Variants in ATG2B observed in about 807,000 individuals in gnomAD.
ATG2B encodes autophagy related 2B.
Under a neutral mutation model 241.3 loss-of-function variants are expected in ATG2B, and 121 were observed. The ratio of observed to expected loss-of-function variants is 0.50; its 90% CI spans 0.43 to 0.58. The LOEUF (loss-of-function observed/expected upper bound fraction) is 0.58. Among genes scored for constraint, ATG2B ranks in the 20% least tolerant of loss-of-function variants. ATG2B has a pLI of 0.00. For synonymous variants in ATG2B, 858 were observed against 876.6 expected (o/e 0.98, Z 0.37); for missense variants, 2,306 against 2,491.6 (o/e 0.93, Z 1.59).
At position 96,285,085 on chromosome 14, in the gene ATG2B, C is replaced by T. The variant is rs1473014258; in HGVS notation, c.*670G>A. 1 of 152,190 alleles carries T rather than the reference C, an allele frequency of 6.6e-6. No individual in the cohort carries two copies. Among genetic ancestry groups the T allele is most frequent in the Non-Finnish European group, 1.5e-5 (1 of 68,028 alleles). 9.4% of individuals were successfully genotyped at this position (152,190 alleles called of 1,614,324 possible). On this transcript the variant is annotated 3_prime_UTR_variant, in exon 42 of 42. Transcript: ENST00000359933. This position sits in a 1 kb window ranked among gnomAD's most constrained non-coding sequence, Gnocchi z 4.2. ...TTACTGCTCTTTATATTTTGTGTAA[C>T]TTTGTAAATTATACAAGAAATATAG...
rs35331211 is a variant in ATG2B at position 96,351,901 on chromosome 14, CA to C, written c.163-4561del. Among the ~76,000 whole-genome samples the C allele has an allele frequency of 5.0e-3, 657 of 130,762 alleles. 20 individuals carry two copies. The South Asian group carries it at 0.074, about 15-fold the overall frequency. 85.8% of individuals were successfully genotyped at this position (130,762 alleles called of 152,430 possible). Reference sequence around the variant, plus strand: ...TGGGTGACACAGCAAGACCTTGTCTCAAAAAAAAAAAAAAGAAAAAAAAATT... The same window carrying C: ...TGGGTGACACAGCAAGACCTTGTCTCAAAAAAAAAAAAAGAAAAAAAAATT... On this transcript the variant is annotated intron_variant, in intron 1 of 41. Coordinates refer to ENST00000359933, the MANE Select transcript of ATG2B (RefSeq NM_018036.7).
In ATG2B at chr14:96,363,125, C is replaced by G; in HGVS notation, c.-149G>C. On this transcript the variant is annotated 5_prime_UTR_variant, in exon 1 of 42. Coordinates refer to ENST00000359933, the MANE Select transcript of ATG2B (RefSeq NM_018036.7). ...GGTGCCGGGAGTCCCTCAGGGAGAC[C>G]CCATCGCCGGCGCCGCACCGCTCGC... 1.2e-6 allele frequency: 1 copy of G among 844,328 alleles called. No homozygotes were observed. The highest frequency in any genetic ancestry group is 2.6e-5 in the East Asian group (1 of 38,012). The allele number at this position is 844,328 out of a possible 1,614,324, so 52.3% of individuals were successfully genotyped here.
intron 14 of ATG2B, among the ~76,000 whole-genome samples, chr14:96,326,586 ATCTATT>A (rs1237061345): frequency 5.3e-5 from 8 of 152,168 alleles, no homozygotes; most frequent in Non-Finnish European, 4.4e-5. Context: ...TCAAATAGAA[ATCTATT>A]TCTATTTTTT....
chr14:96,308,254 A>G (rs1406786315), intron 29 of ATG2B, among the ~76,000 whole-genome samples: 1 of 12,436 alleles, frequency 8.0e-5, no homozygotes, highest in Non-Finnish European at 1.9e-4. Flanking sequence ...ATATATATAC[A>G]CACATATATA....
rs182896039 is a variant in ATG2B at position 96,293,509 on chromosome 14, T to C, written c.5427-1411A>G. Among the ~76,000 whole-genome samples, 295 of 152,336 alleles carry C rather than the reference T, an allele frequency of 1.9e-3. 13 individuals carry two copies. In the South Asian group the frequency reaches 0.041, roughly 21 times the overall value. ...AAGTGCTCAGTAAATATTTGTAAAA[T>C]GAATAAATGTTTGGAGGAAGGGGGC... is the stretch of plus-strand genomic sequence containing the variant. On this transcript the variant is annotated intron_variant, in intron 36 of 41. Transcript: ENST00000359933.
intron 36 of ATG2B, 53 bp downstream of exon 36, chr14:96,294,907 A>C: frequency 6.5e-7 from 1 of 1,534,508 alleles, no homozygotes; most frequent in Non-Finnish European, 9.0e-7. Flanking sequence ...ATCACAGAAC[A>C]ATCTTCAAAA....
At chr14:96,351,771 C>T (rs368192098) in intron 1 of ATG2B, among the ~76,000 whole-genome samples, 27 of 151,404 alleles carry the variant, frequency 1.8e-4, no homozygotes, top group African/African-American at 5.3e-4. Context: ...CATGGTAGCC[C>T]GTGCCTGTAG....
At chr14:96,323,377 T>C (rs1241730850) in intron 16 of ATG2B, among the ~76,000 whole-genome samples, 1 of 152,214 alleles carries the variant, frequency 6.6e-6, no homozygotes, top group Non-Finnish European at 1.5e-5. Context: ...CACAGACTTT[T>C]CATTCTCCTT....
chr14:96,309,559 T>G lies in ATG2B; in HGVS notation c.4197A>C (p.Pro1399=). 6.2e-7 allele frequency: 1 copy of G among 1,614,080 alleles called. No homozygotes were observed. Among genetic ancestry groups the G allele is most frequent in the Non-Finnish European group, 8.5e-7 (1 of 1,179,974 alleles). ...TTTGTTGATCTGCTTCAGGAAGTAC[T>G]GGACCACGTGAGGATGATCGACCAC... The part of the protein sequence containing the change: ...DSSGRSSSRG[P]VLPEADQQML... The change falls in exon 29 of 42, where the codon CCA becomes CCC. Residue 1399 remains proline (P), a synonymous_variant. Transcript: ENST00000359933.
At chr14:96,355,000 T>C (rs891415397) in intron 1 of ATG2B, among the ~76,000 whole-genome samples, 1 of 152,242 alleles carries the variant, frequency 6.6e-6, no homozygotes, top group Admixed American at 6.5e-5. Context: ...TGTTTTTTTC[T>C]TGTAAATTTG....
At chr14:96,342,309 G>A (rs1174455405) in intron 5 of ATG2B, among the ~76,000 whole-genome samples, 1 of 151,998 alleles carries the variant, frequency 6.6e-6, no homozygotes, top group East Asian at 1.9e-4. Context: ...ACTCCCACAA[G>A]GTCAGGAAAA....
intron 41 of ATG2B, among the ~76,000 whole-genome samples, chr14:96,288,143 A>T (rs983920076): frequency 4.6e-5 from 7 of 152,054 alleles, no homozygotes; most frequent in African/African-American, 1.7e-4. Flanking sequence ...GAGAAAGAGA[A>T]CTAAACTTTA....
intron 34 of ATG2B, among the ~76,000 whole-genome samples, chr14:96,296,872 T>C (rs1481969176): frequency 2.0e-5 from 3 of 152,104 alleles, no homozygotes; most frequent in Non-Finnish European, 4.4e-5. Context: ...CCAAAACAGT[T>C]TGACAATTCC....
At chr14:96,340,187 A>G (rs1887995240) in intron 6 of ATG2B, among the ~76,000 whole-genome samples, 1 of 65,842 alleles carries the variant, frequency 1.5e-5, no homozygotes, top group Non-Finnish European at 4.0e-5. Context: ...ACACACACGT[A>G]TATATATTCA....
In ATG2B at chr14:96,317,227, G is replaced by A. The variant is rs1887339727; in HGVS notation, c.3128C>T (p.Ser1043Phe). ...YRSRRKKKLDSQNKNSQSFLS... is the reference protein window; with the variant it reads ...YRSRRKKKLDFQNKNSQSFLS... ...AAAACTCTGAGAGTTCTTGTTCTGA[G>A]AGTCTAATTTTTTTTTCCTGCGAGA... The change falls in exon 20 of 42, where the codon TCT becomes TTT. Residue 1043 changes from serine (S) to phenylalanine (F), a missense_variant. Ser to Phe is a radical substitution (Grantham distance 155, BLOSUM62 -2). Transcript: ENST00000359933. The A allele has an allele frequency of 6.2e-7, 1 of 1,613,742 alleles. No homozygotes were observed. The highest frequency in any genetic ancestry group is 1.3e-5 in the African/African-American group (1 of 75,034).
intron 18 of ATG2B, among the ~76,000 whole-genome samples, 199 bp from the exon 19 acceptor site, chr14:96,318,054 T>C (rs184540086): frequency 6.6e-6 from 1 of 152,328 alleles, no homozygotes; most frequent in Non-Finnish European, 1.5e-5. Flanking sequence ...GATATGGCTA[T>C]AATGCAGGGC....
At position 96,311,119 on chromosome 14, in the gene ATG2B, T is replaced by C. The variant is rs751945011; in HGVS notation, c.4159A>G (p.Lys1387Glu). 4.3e-6 allele frequency: 7 copies of C among 1,611,144 alleles called. No individual in the cohort carries two copies. The highest frequency in any genetic ancestry group is 3.4e-6 in the Non-Finnish European group (4 of 1,178,298). Residue 1387 changes from lysine (K) to glutamate (E), a missense_variant and splice_region_variant, in exon 28 of 42, where the codon AAG becomes GAG. Lys to Glu is a moderately conservative substitution (Grantham distance 56). Transcript: ENST00000359933. ...MKPGAFQRRS[K>E]VDSSGRSSSR... ...AGGAATCACATTGCTGACTGTACCTTAGACCTTCTTTGAAAGGCTCCAGGC... is the reference window on the plus strand; with the variant it reads ...AGGAATCACATTGCTGACTGTACCTCAGACCTTCTTTGAAAGGCTCCAGGC...
chr14:96,290,670 CT>C lies in ATG2B; in HGVS notation c.5702-81del. ...ATTCTAACCCTGGGGTTTTTAACTC[CT>C]AAAACTGGAGGCAAAGTTTTGTGTA... On this transcript the variant is annotated intron_variant, in intron 39 of 41. Coordinates refer to ENST00000359933, the MANE Select transcript of ATG2B (RefSeq NM_018036.7). The surrounding 1 kb of genome is among the most constrained non-coding windows in gnomAD (Gnocchi z 4.4). 1.3e-6 allele frequency: 2 copies of C among 1,574,226 alleles called. No homozygotes were observed. Among genetic ancestry groups the C allele is most frequent in the African/African-American group, 2.7e-5 (2 of 73,368 alleles).
intron 35 of ATG2B, 151 bp downstream of exon 35, chr14:96,295,331 A>T: frequency 1.2e-6 from 1 of 824,894 alleles, no homozygotes; most frequent in Non-Finnish European, 1.9e-6. Context: ...ACTTTTATAT[A>T]AACAGTATTC....
Sources: allele counts gnomAD v4.1 joint callset (sites outside exome capture counted in the v4.1 genomes callset), GRCh38; gene constraint gnomAD v4.1.1; non-coding constraint Gnocchi (gnomAD v3.1); transcripts MANE v1.5; gene names NCBI Gene and HGNC (gene_info 2026-07-23, HGNC 2026-07-21).